SYT1: variants seen among roughly 807,000 people sequenced by gnomAD.
The protein encoded by SYT1 is synaptotagmin-1.
SYT1 carries 8 observed loss-of-function variants against 44.8 expected under a neutral mutation model. That is an observed-to-expected ratio of 0.18 (90% confidence interval 0.10 to 0.32). SYT1 has a LOEUF of 0.32. Ranked by LOEUF, SYT1 falls within the 10% of genes least tolerant of loss-of-function variation. The pLI, the probability that SYT1 is intolerant of heterozygous loss-of-function variation, is 1.00. For missense variants in SYT1, 286 were observed against 509.3 expected, an observed-to-expected ratio of 0.56 and a Z score of 4.22; for synonymous variants, 154 against 188.8, an observed-to-expected ratio of 0.82 and a Z score of 1.51.
At chr12:79,294,998 C>T (rs570678519) in intron 6 of SYT1, among the ~76,000 whole-genome samples, 13 of 151,992 alleles carry the variant, frequency 8.6e-5, no homozygotes, top group East Asian at 3.9e-4. Flanking sequence ...CTTAAGTACA[C>T]GGTGGGTCAC....
intron 2 of SYT1, among the ~76,000 whole-genome samples, chr12:78,984,976 A>G (rs1419924560): frequency 6.6e-6 from 1 of 151,956 alleles, no homozygotes; most frequent in African/African-American, 2.4e-5. Context: ...GATGCTAAAG[A>G]GAGAAAAAAG....
At chr12:79,120,783 T>G (rs1163752104) in intron 3 of SYT1, among the ~76,000 whole-genome samples, 1 of 152,128 alleles carries the variant, frequency 6.6e-6, no homozygotes, top group African/African-American at 2.4e-5. Flanking sequence ...GTTGACATCA[T>G]CCGATCCAAA....
At chr12:78,871,329 G>A (rs1421890198) in intron 1 of SYT1, among the ~76,000 whole-genome samples, 2 of 152,024 alleles carry the variant, frequency 1.3e-5, no homozygotes, top group East Asian at 3.9e-4. Flanking sequence ...TAAACAATAA[G>A]ATAACATTAC....
chr12:79,165,932 CT>C (rs1192816861), intron 3 of SYT1, among the ~76,000 whole-genome samples: 1 of 151,936 alleles, frequency 6.6e-6, no homozygotes, highest in Non-Finnish European at 1.5e-5. Context: ...TTTTTTCTTA[CT>C]TTTTCTCATT....
At chr12:79,110,501 A>G (rs1272719980) in intron 3 of SYT1, among the ~76,000 whole-genome samples, 2 of 152,138 alleles carry the variant, frequency 1.3e-5, no homozygotes, top group African/African-American at 4.8e-5. Flanking sequence ...GAAAATCTAG[A>G]AAACATTTTA....
intron 4 of SYT1, among the ~76,000 whole-genome samples, chr12:79,233,586 GC>G (rs1165302403): frequency 2.6e-5 from 4 of 152,190 alleles, no homozygotes; most frequent in Admixed American, 2.6e-4. Flanking sequence ...GCCATCTTCT[GC>G]CCACAGTGAT....
intron 3 of SYT1, among the ~76,000 whole-genome samples, chr12:79,066,618 C>A (rs1875881279): frequency 2.0e-5 from 3 of 152,024 alleles, no homozygotes; most frequent in Admixed American, 2.0e-4. Context: ...TATACTTAAT[C>A]TAATATTCAA....
chr12:78,906,770 A>G (rs558639013), intron 1 of SYT1, among the ~76,000 whole-genome samples: 177 of 152,092 alleles, frequency 1.2e-3, no homozygotes, highest in Admixed American at 2.0e-3. Flanking sequence ...CTCTATCTTT[A>G]CTCTGCTAGA....
At chr12:79,261,849 C>A (rs1283554169) in intron 4 of SYT1, among the ~76,000 whole-genome samples, 1 of 152,012 alleles carries the variant, frequency 6.6e-6, no homozygotes, top group Non-Finnish European at 1.5e-5. Flanking sequence ...TCTCTGAGTC[C>A]AAACCTCTAG....
At chr12:79,208,739 C>G (rs1339112891) in intron 3 of SYT1, among the ~76,000 whole-genome samples, 6 of 152,176 alleles carry the variant, frequency 3.9e-5, no homozygotes, top group African/African-American at 1.2e-4. Flanking sequence ...AAGACATCTT[C>G]AGCATAACAC....
chr12:79,169,408 A>G (rs1446537462), intron 3 of SYT1, among the ~76,000 whole-genome samples: 4 of 151,362 alleles, frequency 2.6e-5, no homozygotes, highest in African/African-American at 9.7e-5. Context: ...GAATGTAAGA[A>G]CTTAGGCAGG....
intron 1 of SYT1, among the ~76,000 whole-genome samples, chr12:78,905,978 A>G (rs1333283059): frequency 2.6e-5 from 4 of 152,048 alleles, no homozygotes; most frequent in Non-Finnish European, 5.9e-5. Context: ...TCAAAATTAT[A>G]TTTGTAATTT....
rs114186781 is a variant in SYT1, at chr12:79,418,787, C to T, written c.929-25286C>T. ...CTCTTCCAACCGTGGTAACCAATGGCCCTGAAATGTGTTCAATATCAGGTA... is the reference window on the plus strand; with the variant it reads ...CTCTTCCAACCGTGGTAACCAATGGTCCTGAAATGTGTTCAATATCAGGTA... On this transcript the variant is annotated intron_variant, in intron 9 of 10. Coordinates refer to ENST00000261205, the MANE Select transcript of SYT1 (RefSeq NM_005639.3). Among the ~76,000 whole-genome samples the T allele has an allele frequency of 9.8e-3, 1,486 of 152,216 alleles. 24 individuals carry two copies. Among genetic ancestry groups the T allele is most frequent in the African/African-American group, 0.034 (1,399 of 41,524 alleles).
intron 9 of SYT1, among the ~76,000 whole-genome samples, chr12:79,402,920 T>G (rs1036117985): frequency 6.6e-6 from 1 of 152,158 alleles, no homozygotes; most frequent in Non-Finnish European, 1.5e-5. Context: ...AGTTTTTGTT[T>G]TGTTTTATTT....
In SYT1 at chr12:79,218,509, A is replaced by G. The variant is rs190760526; in HGVS notation, c.166+824A>G. ...GTAACTGAAATGTATTCTTAGACCA[A>G]CATCTCCCCAATTGCCACCTCCCCA... is the stretch of plus-strand genomic sequence containing the variant. On this transcript the variant is annotated intron_variant, in intron 4 of 10. Transcript: ENST00000261205. Among the ~76,000 whole-genome samples the G allele has an allele frequency of 9.9e-5, 15 of 152,280 alleles. No homozygotes were observed. The East Asian group carries it at 2.9e-3, about 29-fold the overall frequency.
intron 3 of SYT1, among the ~76,000 whole-genome samples, chr12:79,208,288 A>G (rs1339909181): frequency 1.3e-5 from 2 of 152,162 alleles, no homozygotes; most frequent in East Asian, 3.9e-4. Flanking sequence ...AGGGTCAGCA[A>G]GCAGAAACTC....
intron 3 of SYT1, among the ~76,000 whole-genome samples, chr12:79,117,687 ATATATATATATATATATATATATAT>A (rs1879363245): frequency 1.1e-3 from 85 of 79,254 alleles, no homozygotes; most frequent in Non-Finnish European, 1.9e-3. Flanking sequence ...ATATATATAT[ATATATATATATATATATATATATAT>A]ATAAAATAAA....
chr12:79,265,658 T>A (rs924004498), intron 4 of SYT1, among the ~76,000 whole-genome samples: 1 of 152,104 alleles, frequency 6.6e-6, no homozygotes, highest in African/African-American at 2.4e-5. Context: ...GAAGCTACAT[T>A]TTAGATCCCC....
chr12:78,951,728 A>G (rs992248829), intron 1 of SYT1, among the ~76,000 whole-genome samples: 3 of 152,288 alleles, frequency 2.0e-5, no homozygotes, highest in South Asian at 4.1e-4. Flanking sequence ...TCAACCTACC[A>G]GTGAGCATGT....
Sources: allele counts gnomAD v4.1 joint callset (sites outside exome capture counted in the v4.1 genomes callset), GRCh38; gene constraint gnomAD v4.1.1; transcripts MANE v1.5; gene names NCBI Gene and HGNC (gene_info 2026-07-23, HGNC 2026-07-21).